Variants in WWC2 observed in about 807,000 individuals in gnomAD.
WWC2 encodes the protein protein WWC2.
A neutral mutation model predicts 138.5 loss-of-function variants in WWC2; 101 were observed. The observed-to-expected ratio is 0.73, with a 90% CI of 0.62 to 0.86. The LOEUF is 0.86. Ranked by LOEUF, WWC2 falls within the 40% of genes least tolerant of loss-of-function variation. WWC2 has a pLI of 0.00. For missense variants in WWC2, 1,420 were observed against 1,419.4 expected, an observed-to-expected ratio of 1.00 and a Z score of -0.01; for synonymous variants, 558 against 538.4, an observed-to-expected ratio of 1.04 and a Z score of -0.50.
intron 20 of WWC2, 27 bp downstream of exon 20, chr4:183,286,086 C>G: frequency 6.5e-7 from 1 of 1,546,368 alleles, no homozygotes; most frequent in Non-Finnish European, 8.8e-7. Flanking sequence ...CCACGTCCCA[C>G]TGTCCCTGGA....
chr4:183,163,610 A>G (rs1406440987), intron 1 of WWC2, among the ~76,000 whole-genome samples: 1 of 152,146 alleles, frequency 6.6e-6, no homozygotes, highest in Non-Finnish European at 1.5e-5. Flanking sequence ...AAATTAGGAT[A>G]CGTCTCTATT....
rs114053940 is a variant in WWC2 at position 183,293,662 on chromosome 4, G to T, written c.3384+4027G>T. On this transcript the variant is annotated intron_variant, in intron 21 of 22. Transcript: ENST00000403733. Reference sequence around the variant, plus strand: ...AAAAAGACTGGAAAGAAATAAAGCTGCCATTATCTACAGGTGACATTGCAT... The same window carrying T: ...AAAAAGACTGGAAAGAAATAAAGCTTCCATTATCTACAGGTGACATTGCAT... Among the ~76,000 whole-genome samples the T allele has an allele frequency of 2.5e-3, 374 of 152,280 alleles. 2 individuals carry two copies. The highest frequency in any genetic ancestry group is 8.7e-3 in the African/African-American group (361 of 41,576).
intron 4 of WWC2, among the ~76,000 whole-genome samples, chr4:183,219,081 A>G (rs1201205086): frequency 6.6e-6 from 1 of 152,234 alleles, no homozygotes; most frequent in Non-Finnish European, 1.5e-5. Context: ...AAGTGAAATA[A>G]GCCAGACACA....
intron 9 of WWC2, 144 bp from the exon 10 acceptor site, chr4:183,259,495 T>C: frequency 3.1e-6 from 2 of 645,786 alleles, no homozygotes. Context: ...CCCACACTTC[T>C]TGCCGGTGTC....
chr4:183,166,207 C>CT (rs1053936903), intron 1 of WWC2, among the ~76,000 whole-genome samples: 9 of 149,404 alleles, frequency 6.0e-5, no homozygotes, highest in South Asian at 2.1e-4. Context: ...ATACTGAAAG[C>CT]TTTTTTTTTT....
chr4:183,114,290 G>GC (rs1472943191), intron 1 of WWC2, among the ~76,000 whole-genome samples: 1 of 152,244 alleles, frequency 6.6e-6, no homozygotes, highest in Admixed American at 6.5e-5. Flanking sequence ...CAGGAGCTGA[G>GC]CAGGTGACTG....
At chr4:183,285,807 A>C (rs781207820) in intron 19 of WWC2, among the ~76,000 whole-genome samples, 160 bp from the exon 20 acceptor site, 2 of 152,224 alleles carry the variant, frequency 1.3e-5, no homozygotes, top group Admixed American at 1.3e-4. Context: ...AAGTTATTTA[A>C]CAAAATAGAA....
chr4:183,127,086 A>G (rs964985580), intron 1 of WWC2, among the ~76,000 whole-genome samples: 3 of 152,072 alleles, frequency 2.0e-5, no homozygotes, highest in African/African-American at 7.2e-5. Context: ...GAGAATTACA[A>G]ATGTCACTGG....
chr4:183,275,354 A>G (rs968791727), intron 16 of WWC2, among the ~76,000 whole-genome samples: 78 of 152,262 alleles, frequency 5.1e-4, no homozygotes, highest in African/African-American at 1.6e-3. Flanking sequence ...ATTGAAAGAA[A>G]TTGTAAGAGC....
Position 183,117,482 on chromosome 4 carries a change from A to G in WWC2, c.131+17860A>G, listed in dbSNP as rs575109262. ...GTGATCTGCCCGCCTCAGCCTCCCA[A>G]AGTGCTGGGATTACAGGCATGAGCC... On this transcript the variant is annotated intron_variant, in intron 1 of 22. Transcript: ENST00000403733. Among the ~76,000 whole-genome samples the G allele has an allele frequency of 2.6e-5, 4 of 151,638 alleles. No individual in the cohort carries two copies. The East Asian group carries it at 7.8e-4, about 30-fold the overall frequency.
Position 183,298,385 on chromosome 4 carries a change from C to G in WWC2, c.3384+8750C>G, listed in dbSNP as rs751507876. On this transcript the variant is annotated intron_variant, in intron 21 of 22. Coordinates refer to ENST00000403733, the MANE Select transcript of WWC2 (RefSeq NM_024949.6). ...GATAGGGCCAAAACTCTTTAGCTAGCCTGATGATACCCAGGGAAAGAGCCA... is the reference window on the plus strand; with the variant it reads ...GATAGGGCCAAAACTCTTTAGCTAGGCTGATGATACCCAGGGAAAGAGCCA... Among the ~76,000 whole-genome samples the G allele has an allele frequency of 4.8e-4, 73 of 152,224 alleles. 1 individual carries two copies. Among genetic ancestry groups the G allele is most frequent in the Non-Finnish European group, 2.6e-4 (18 of 68,022 alleles).
At chr4:183,183,323 T>C (rs936233523) in intron 1 of WWC2, among the ~76,000 whole-genome samples, 4 of 152,178 alleles carry the variant, frequency 2.6e-5, no homozygotes, top group African/African-American at 9.7e-5. Flanking sequence ...TAGCTGTTTT[T>C]CCCTAACAGT....
At chr4:183,311,502 C>T (rs973798582) in intron 21 of WWC2, among the ~76,000 whole-genome samples, 1 of 152,056 alleles carries the variant, frequency 6.6e-6, no homozygotes, top group Non-Finnish European at 1.5e-5. Flanking sequence ...GGAGTGTTCT[C>T]CCCTTCCTCC....
At chr4:183,205,161 C>A (rs911880744) in intron 2 of WWC2, among the ~76,000 whole-genome samples, 1 of 152,286 alleles carries the variant, frequency 6.6e-6, no homozygotes, top group South Asian at 2.1e-4. Flanking sequence ...AGTGATTGGA[C>A]CATTTTAGAT....
rs1738354199 is a variant in WWC2, at chr4:183,289,291, G to T, written c.3142-102G>T. ...TGCCCCTTAGGCCCTGGCTTCTAGG[G>T]TGCAAGGAAGCACCATCCATCATGC... is the stretch of plus-strand genomic sequence containing the variant. On this transcript the variant is annotated intron_variant, in intron 20 of 22. Transcript: ENST00000403733. The T allele has an allele frequency of 4.0e-6, 6 of 1,488,598 alleles. No individual in the cohort carries two copies. In the South Asian group the frequency reaches 8.3e-5, roughly 21 times the overall value. 92.2% of individuals were successfully genotyped at this position (1,488,598 alleles called of 1,614,324 possible). A position where few individuals can be genotyped will look rare whatever the true frequency, so the allele number is the denominator to read the frequency against.
intron 11 of WWC2, among the ~76,000 whole-genome samples, chr4:183,264,305 GC>G (rs1737425036): frequency 6.6e-6 from 1 of 152,166 alleles, no homozygotes; most frequent in Non-Finnish European, 1.5e-5. Context: ...AGCACCACAG[GC>G]TTGCAGCTCA....
At chr4:183,245,643 C>T in intron 6 of WWC2, 98 bp downstream of exon 6, 1 of 1,326,906 alleles carries the variant, frequency 7.5e-7, no homozygotes, top group Middle Eastern at 2.0e-4. Flanking sequence ...TCTGGATGAC[C>T]CTTCTACCTC....
intron 21 of WWC2, among the ~76,000 whole-genome samples, chr4:183,303,606 T>G (rs1348089044): frequency 6.6e-6 from 1 of 152,212 alleles, no homozygotes; most frequent in Non-Finnish European, 1.5e-5. Context: ...AATTTAAGCC[T>G]TATTTTCTAT....
chr4:183,164,292 A>G (rs1299629186), intron 1 of WWC2, among the ~76,000 whole-genome samples: 6 of 296 alleles, frequency 0.02, no homozygotes, highest in African/African-American at 0.034. Context: ...ATATATATAT[A>G]TATATATACA....
Sources: gnomAD v4.1 joint callset for allele counts (sites outside exome capture counted in the v4.1 genomes callset) on GRCh38, gnomAD v4.1.1 for gene constraint, MANE v1.5 for transcripts, NCBI Gene and HGNC (gene_info 2026-07-23, HGNC 2026-07-21) for gene names.